Variants in PRKCE observed in about 807,000 individuals in gnomAD.
PRKCE encodes the protein protein kinase C epsilon type.
PRKCE carries 16 observed loss-of-function variants against 85.4 expected under a neutral mutation model. That is an observed-to-expected ratio of 0.19 (90% CI 0.13 to 0.28). The LOEUF (loss-of-function observed/expected upper bound fraction) is 0.28. PRKCE is among the 10% of genes least tolerant of loss of function. The pLI is 1.00. For missense variants in PRKCE, 573 were observed against 975.2 expected, an observed-to-expected ratio of 0.59 and a Z score of 5.49; for synonymous variants, 388 against 371.5, an observed-to-expected ratio of 1.04 and a Z score of -0.51.
chr2:45,877,789 C>A (rs1201088364), intron 2 of PRKCE, among the ~76,000 whole-genome samples: 1 of 152,294 alleles, frequency 6.6e-6, no homozygotes, highest in Admixed American at 6.5e-5. Context: ...ACAGACTGTT[C>A]TTTTTGATTA....
At chr2:45,713,656 A>G (rs1381336362) in intron 1 of PRKCE, among the ~76,000 whole-genome samples, 3 of 152,230 alleles carry the variant, frequency 2.0e-5, no homozygotes, top group Non-Finnish European at 4.4e-5. Flanking sequence ...AACCTACCTA[A>G]TAATGAATGT....
At chr2:46,099,518 C>A (rs1252320257) in intron 11 of PRKCE, among the ~76,000 whole-genome samples, 1 of 149,038 alleles carries the variant, frequency 6.7e-6, no homozygotes, top group Non-Finnish European at 1.5e-5. Flanking sequence ...TTTTTTTACG[C>A]TAACTTTTCA....
intron 11 of PRKCE, among the ~76,000 whole-genome samples, chr2:46,113,991 A>G (rs1480626267): frequency 1.3e-5 from 2 of 151,952 alleles, no homozygotes. Flanking sequence ...TTTTCCTCTT[A>G]TATTTTTGTT....
chr2:45,698,569 GA>G (rs144540569), intron 1 of PRKCE, among the ~76,000 whole-genome samples: 3 of 148,268 alleles, frequency 2.0e-5, no homozygotes, highest in East Asian at 2.0e-4. Context: ...AGTGAGCACA[GA>G]AAAAAAAATA....
At chr2:46,066,964 A>G (rs1159730475) in intron 10 of PRKCE, among the ~76,000 whole-genome samples, 1 of 152,188 alleles carries the variant, frequency 6.6e-6, no homozygotes, top group Non-Finnish European at 1.5e-5. Flanking sequence ...ATGACATTGT[A>G]TTACTTCTGT....
chr2:46,010,403 G>A lies in PRKCE; in HGVS notation c.1323G>A (p.Lys441=), dbSNP rs760199498. The change falls in exon 10 of 15, where the codon AAG becomes AAA. Residue 441 remains lysine, a synonymous_variant. Transcript: ENST00000306156. ...DEVYAVKVLK[K]DVILQDDDVD... is the part of the protein sequence containing the mutation. ...TATATGCTGTGAAGGTCTTAAAGAA[G>A]GACGTCATCCTTCAGGATGATGACG... is the stretch of plus-strand genomic sequence containing the variant. The A allele has an allele frequency of 1.3e-5, 21 of 1,599,598 alleles. 1 individual carries two copies. In the South Asian group the frequency reaches 2.2e-4, roughly 17 times the overall value.
chr2:45,720,286 C>T (rs572167440), intron 1 of PRKCE, among the ~76,000 whole-genome samples: 18 of 152,224 alleles, frequency 1.2e-4, no homozygotes, highest in South Asian at 8.3e-4. Context: ...GAAGTGAGTG[C>T]GCTATCATTT....
At chr2:45,716,175 T>G (rs1015811671) in intron 1 of PRKCE, among the ~76,000 whole-genome samples, 1 of 152,230 alleles carries the variant, frequency 6.6e-6, no homozygotes, top group African/African-American at 2.4e-5. Flanking sequence ...CTTTCAAATG[T>G]CAAGGCTGGT....
intron 14 of PRKCE, among the ~76,000 whole-genome samples, chr2:46,175,235 C>G (rs534304330): frequency 6.6e-6 from 1 of 152,292 alleles, no homozygotes; most frequent in African/African-American, 2.4e-5. Flanking sequence ...ACATATTTGG[C>G]TATTTGCCTC....
At chr2:45,862,111 T>C (rs576792662) in intron 2 of PRKCE, among the ~76,000 whole-genome samples, 3 of 152,062 alleles carry the variant, frequency 2.0e-5, no homozygotes, top group Non-Finnish European at 2.9e-5. Flanking sequence ...TATATGTATG[T>C]AAAACAATAA....
intron 1 of PRKCE, among the ~76,000 whole-genome samples, chr2:45,711,773 C>T (rs1012856286): frequency 3.3e-5 from 5 of 152,064 alleles, no homozygotes; most frequent in South Asian, 2.1e-4. Flanking sequence ...TACAGTCATG[C>T]GCGACCATGC....
At chr2:46,114,936 C>G (rs148469238) in intron 11 of PRKCE, among the ~76,000 whole-genome samples, 16 of 152,242 alleles carry the variant, frequency 1.1e-4, no homozygotes, top group East Asian at 3.9e-4. Context: ...GTTTAGGGAT[C>G]TTTCTTATGA....
At chr2:45,831,969 T>C (rs1010089144) in intron 1 of PRKCE, among the ~76,000 whole-genome samples, 4 of 152,226 alleles carry the variant, frequency 2.6e-5, no homozygotes, top group Admixed American at 2.6e-4. Context: ...CTTTATTTTA[T>C]TTTTGTATGT....
intron 1 of PRKCE, among the ~76,000 whole-genome samples, chr2:45,756,721 A>G (rs1173124533): frequency 1.3e-5 from 2 of 152,254 alleles, no homozygotes; most frequent in African/African-American, 4.8e-5. Flanking sequence ...ACAATTTGGA[A>G]TGCACATTAT....
chr2:45,844,087 T>C (rs1008606106), intron 2 of PRKCE, among the ~76,000 whole-genome samples: 3 of 152,154 alleles, frequency 2.0e-5, no homozygotes, highest in African/African-American at 7.2e-5. Context: ...TAAGGCTCAG[T>C]GATAGAAGGA....
At chr2:45,911,480 C>T (rs1697378508) in intron 2 of PRKCE, among the ~76,000 whole-genome samples, 1 of 152,204 alleles carries the variant, frequency 6.6e-6, no homozygotes. Context: ...TTCCAGGAGG[C>T]CATACCTCTG....
chr2:46,133,280 G>A (rs1261485343), intron 11 of PRKCE, among the ~76,000 whole-genome samples: 1 of 152,154 alleles, frequency 6.6e-6, no homozygotes, highest in Non-Finnish European at 1.5e-5. Context: ...TGGACTTGGA[G>A]CTACAAATCA....
chr2:46,123,336 G>C (rs1475846381), intron 11 of PRKCE, among the ~76,000 whole-genome samples: 2 of 148,140 alleles, frequency 1.4e-5, no homozygotes, highest in African/African-American at 2.5e-5. Flanking sequence ...TTGTGGGGCA[G>C]TAGCTGACAA....
chr2:46,074,723 G>A (rs537049861), intron 10 of PRKCE, among the ~76,000 whole-genome samples: 3 of 152,334 alleles, frequency 2.0e-5, no homozygotes, highest in Admixed American at 2.0e-4. Context: ...CCCAGCTCCA[G>A]CATCAGTGGT....
Sources: allele counts gnomAD v4.1 joint callset (sites outside exome capture counted in the v4.1 genomes callset), GRCh38; gene constraint gnomAD v4.1.1; transcripts MANE v1.5; gene names NCBI Gene and HGNC (gene_info 2026-07-23, HGNC 2026-07-21).